The following FHIT variants were observed in gnomAD, a reference collection of about 807,000 sequenced individuals.
The protein encoded by FHIT is fragile histidine triad diadenosine triphosphatase.
Under a neutral mutation model 17.9 loss-of-function variants are expected in FHIT, and 19 were observed. The ratio of observed to expected loss-of-function variants is 1.06; its 90% CI spans 0.74 to 1.56. The LOEUF is 1.56. FHIT is among the 40% of genes most tolerant of loss of function. The probability of loss-of-function intolerance (pLI) is 0.00; values close to 1 mark genes in which losing one functional copy is unlikely to be tolerated. For synonymous variants in FHIT, 81 were observed against 69.7 expected (o/e 1.16, Z -0.81); for missense variants, 248 against 189.2 (o/e 1.31, Z -1.82).
intron 5 of FHIT, among the ~76,000 whole-genome samples, chr3:60,068,968 A>G (rs1179102853): frequency 2.6e-5 from 4 of 152,232 alleles, no homozygotes; most frequent in Admixed American, 2.6e-4. Flanking sequence ...TATATAAATT[A>G]TGGTACTTCC....
chr3:61,078,168 G>A (rs2035027272), intron 2 of FHIT, among the ~76,000 whole-genome samples: 1 of 152,086 alleles, frequency 6.6e-6, no homozygotes, highest in African/African-American at 2.4e-5. Flanking sequence ...TTTCATGACA[G>A]ACAGATTTAT....
At chr3:60,741,977 C>T (rs2042250664) in intron 4 of FHIT, among the ~76,000 whole-genome samples, 1 of 152,160 alleles carries the variant, frequency 6.6e-6, no homozygotes, top group Non-Finnish European at 1.5e-5. Flanking sequence ...GGTTGCAACT[C>T]AGGAAGCTTT....
chr3:61,200,761 G>C (rs148197698), intron 1 of FHIT, 96 bp from the exon 2 acceptor site: 65 of 152,592 alleles, frequency 4.3e-4, no homozygotes, highest in African/African-American at 1.3e-3. Flanking sequence ...ATATGCCATG[G>C]TATATGGTGC....
At chr3:59,996,704 G>A (rs1401552030) in intron 7 of FHIT, among the ~76,000 whole-genome samples, 3 of 152,060 alleles carry the variant, frequency 2.0e-5, no homozygotes, top group African/African-American at 7.2e-5. Context: ...TATTAGACAT[G>A]AGAATAGTCA....
At chr3:60,501,499 T>TA (rs2034524197) in intron 5 of FHIT, among the ~76,000 whole-genome samples, 1 of 152,218 alleles carries the variant, frequency 6.6e-6, no homozygotes. Flanking sequence ...CTTGACGGTC[T>TA]AAGCTAATGC....
chr3:61,148,410 G>A (rs1352986779), intron 2 of FHIT, among the ~76,000 whole-genome samples: 2 of 152,022 alleles, frequency 1.3e-5, no homozygotes, highest in East Asian at 3.8e-4. Flanking sequence ...TAGTATCATT[G>A]ATTCCTTTTG....
intron 4 of FHIT, among the ~76,000 whole-genome samples, chr3:60,644,919 TTC>T (rs1324472867): frequency 1.3e-5 from 2 of 152,148 alleles, no homozygotes; most frequent in Non-Finnish European, 2.9e-5. Context: ...CTTGTGCTAG[TTC>T]TGTTATAATC....
rs1354889796 is a variant in FHIT at position 59,749,224 on chromosome 3, C to CGATTGAATTTCCTTTAA, written c.*344_*360dup. The CGATTGAATTTCCTTTAA allele has an allele frequency of 4.4e-6, 1 of 229,808 alleles. No homozygotes were observed. Among genetic ancestry groups the CGATTGAATTTCCTTTAA allele is most frequent in the Admixed American group, 5.7e-5 (1 of 17,650 alleles). The allele number at this position is 229,808 out of a possible 1,614,324, so 14.2% of individuals were successfully genotyped here. On this transcript the variant is annotated 3_prime_UTR_variant, in exon 10 of 10. Transcript: ENST00000492590. ...GAAATAAGCAGGTGGACCAATCCAACGATTGAATTTCCTTTAAAAAAGTAA... is the reference window on the plus strand; with the variant it reads ...GAAATAAGCAGGTGGACCAATCCAACGATTGAATTTCCTTTAAGATTGAATTTCCTTTAAAAAAGTAA...
chr3:60,829,421 T>G (rs782739762), intron 3 of FHIT, among the ~76,000 whole-genome samples: 7 of 152,196 alleles, frequency 4.6e-5, no homozygotes, highest in Non-Finnish European at 8.8e-5. Flanking sequence ...TTTAGTTTAT[T>G]CCATGGGCCT....
chr3:60,540,012 T>C lies in FHIT; in HGVS notation c.-17-3033A>G, dbSNP rs187961965. Among the ~76,000 whole-genome samples the C allele has an allele frequency of 1.7e-3, 263 of 151,842 alleles. 1 individual carries two copies. The highest frequency in any genetic ancestry group is 6.0e-3 in the African/African-American group (251 of 41,514). On this transcript the variant is annotated intron_variant, in intron 4 of 9. Coordinates refer to ENST00000492590, the MANE Select transcript of FHIT (RefSeq NM_002012.4). Reference sequence around the variant, plus strand: ...AAAAAGAAGAACCAAAGCAGGATTATAGGGCCAGAACATTCAGCCCCACTC... The same window carrying C: ...AAAAAGAAGAACCAAAGCAGGATTACAGGGCCAGAACATTCAGCCCCACTC...
intron 5 of FHIT, among the ~76,000 whole-genome samples, chr3:60,453,540 G>T (rs1020368227): frequency 6.6e-6 from 1 of 152,128 alleles, no homozygotes; most frequent in Admixed American, 6.6e-5. Flanking sequence ...AAATCAACAG[G>T]AAGTTGTAAA....
intron 5 of FHIT, among the ~76,000 whole-genome samples, chr3:60,129,052 TG>T (rs374361649): frequency 8.6e-5 from 11 of 128,128 alleles, no homozygotes; most frequent in African/African-American, 1.5e-4. Context: ...CTTTTTTGTT[TG>T]TTTTTTTTTT....
At chr3:61,179,008 C>CTT (rs778191387) in intron 2 of FHIT, among the ~76,000 whole-genome samples, 77 of 127,596 alleles carry the variant, frequency 6.0e-4, no homozygotes, top group Non-Finnish European at 7.5e-4. Flanking sequence ...TTTTCTTTTT[C>CTT]TTTTTTTTTT....
chr3:60,988,596 C>T (rs1212579432), intron 3 of FHIT, among the ~76,000 whole-genome samples: 1 of 152,052 alleles, frequency 6.6e-6, no homozygotes, highest in Non-Finnish European at 1.5e-5. Context: ...AGCTGACGAG[C>T]AGCACAGAAG....
intron 2 of FHIT, among the ~76,000 whole-genome samples, chr3:61,080,377 T>C: frequency 6.6e-6 from 1 of 152,164 alleles, no homozygotes; most frequent in East Asian, 1.9e-4. Context: ...CCCTCAGAAT[T>C]ATTAGAGCAT....
intron 4 of FHIT, among the ~76,000 whole-genome samples, chr3:60,635,407 G>T (rs372953931): frequency 1.3e-5 from 2 of 152,268 alleles, no homozygotes; most frequent in East Asian, 3.9e-4. Flanking sequence ...ACCACTTAGT[G>T]GCATTTGGCC....
At chr3:60,193,743 T>C (rs906135249) in intron 5 of FHIT, among the ~76,000 whole-genome samples, 9 of 152,126 alleles carry the variant, frequency 5.9e-5, no homozygotes, top group African/African-American at 1.9e-4. Flanking sequence ...GGACACAGGC[T>C]TTCACATATA....
intron 5 of FHIT, among the ~76,000 whole-genome samples, chr3:60,116,953 T>C (rs186069596): frequency 1.5e-4 from 23 of 152,052 alleles, no homozygotes; most frequent in African/African-American, 5.3e-4. Flanking sequence ...TTGTACAAAA[T>C]GCACCATGGG....
At chr3:60,832,860 C>T (rs905365657) in intron 3 of FHIT, among the ~76,000 whole-genome samples, 1 of 152,088 alleles carries the variant, frequency 6.6e-6, no homozygotes. Context: ...AGAGATTTTA[C>T]GCTAAGCATT....
Sources: gnomAD v4.1 joint callset for allele counts (sites outside exome capture counted in the v4.1 genomes callset) on GRCh38, gnomAD v4.1.1 for gene constraint, MANE v1.5 for transcripts, NCBI Gene and HGNC (gene_info 2026-07-23, HGNC 2026-07-21) for gene names.